The following FTCDNL1 variants were observed in gnomAD, a reference collection of about 807,000 sequenced individuals.
FTCDNL1 encodes formiminotransferase cyclodeaminase N-terminal like.
A neutral mutation model predicts 5.9 loss-of-function variants in FTCDNL1; 11 were observed. That is an observed-to-expected ratio of 1.87 (90% CI 1.18 to 3.10). The LOEUF is 3.10. Ranked by LOEUF, FTCDNL1 falls within the 30% of genes most tolerant of loss-of-function variation. The pLI is 0.00. For synonymous variants in FTCDNL1, 58 were observed against 24.8 expected, an observed-to-expected ratio of 2.34 and a Z score of -3.99; for missense variants, 115 against 65.5, an observed-to-expected ratio of 1.76 and a Z score of -2.61.
the FTCDNL1 span, among the ~76,000 whole-genome samples, chr2:199,696,715 T>G: frequency 1.3e-5 from 2 of 151,934 alleles, no homozygotes; most frequent in Non-Finnish European, 2.9e-5. Context: ...AATGAACTAG[T>G]GCAAAAACTC....
intron 3 of FTCDNL1, among the ~76,000 whole-genome samples, chr2:199,792,290 A>G (rs1252232464): frequency 6.6e-6 from 1 of 152,184 alleles, no homozygotes; most frequent in East Asian, 1.9e-4. Context: ...ACTAGATTTT[A>G]AAGTACATTG....
At chr2:199,684,391 C>T in the FTCDNL1 span, among the ~76,000 whole-genome samples, 2 of 152,186 alleles carry the variant, frequency 1.3e-5, no homozygotes, top group African/African-American at 4.8e-5. Flanking sequence ...AGAGTCATGG[C>T]ACTTAAATTC....
chr2:199,755,586 A>G (rs1698049398), downstream of FTCDNL1, among the ~76,000 whole-genome samples: 1 of 152,220 alleles, frequency 6.6e-6, no homozygotes, highest in Non-Finnish European at 1.5e-5. Context: ...AATGGTACAT[A>G]TTCCCTATAC....
the FTCDNL1 span, among the ~76,000 whole-genome samples, chr2:199,666,517 C>A: frequency 6.6e-6 from 1 of 152,198 alleles, no homozygotes; most frequent in Non-Finnish European, 1.5e-5. Context: ...AAAAGAACTT[C>A]ATATATTCAA....
the FTCDNL1 span, among the ~76,000 whole-genome samples, chr2:199,680,855 C>A: frequency 6.6e-6 from 1 of 152,160 alleles, no homozygotes; most frequent in African/African-American, 2.4e-5. Flanking sequence ...ACAATGTTCC[C>A]CCTTGCCGCC....
At chr2:199,699,918 A>G in the FTCDNL1 span, among the ~76,000 whole-genome samples, 1 of 152,186 alleles carries the variant, frequency 6.6e-6, no homozygotes, top group Non-Finnish European at 1.5e-5. Context: ...TGAGAGCCAC[A>G]TATGATAAAC....
chr2:199,803,575 A>G (rs1700577548), intron 3 of FTCDNL1, among the ~76,000 whole-genome samples: 1 of 152,130 alleles, frequency 6.6e-6, no homozygotes, highest in Admixed American at 6.5e-5. Flanking sequence ...AACGATCCTC[A>G]CTTCTCAGCC....
the FTCDNL1 span, among the ~76,000 whole-genome samples, chr2:199,671,811 C>T: frequency 2.6e-5 from 4 of 152,058 alleles, no homozygotes; most frequent in Admixed American, 1.3e-4. Flanking sequence ...GACCTGAGCA[C>T]CATATATATC....
At chr2:199,669,956 C>T in the FTCDNL1 span, among the ~76,000 whole-genome samples, 1 of 152,130 alleles carries the variant, frequency 6.6e-6, no homozygotes, top group Non-Finnish European at 1.5e-5. Context: ...CAAGTTGAAA[C>T]AATGAGTTTT....
At chr2:199,822,938 C>T (rs1374453653) in intron 3 of FTCDNL1, among the ~76,000 whole-genome samples, 1 of 152,182 alleles carries the variant, frequency 6.6e-6, no homozygotes. Flanking sequence ...GCAACATCTG[C>T]CTCCCAGGTT....
chr2:199,785,504 G>C (rs903927643), intron 3 of FTCDNL1: 3 of 151,858 alleles, frequency 2.0e-5, no homozygotes, highest in Non-Finnish European at 1.5e-5. Flanking sequence ...CCAAAGTTCT[G>C]GGATTACAAG....
chr2:199,677,754 G>A, the FTCDNL1 span, among the ~76,000 whole-genome samples: 2 of 152,180 alleles, frequency 1.3e-5, no homozygotes, highest in African/African-American at 2.4e-5. Context: ...TGTCAGAATC[G>A]TTAATGTGCT....
intron 3 of FTCDNL1, among the ~76,000 whole-genome samples, chr2:199,804,227 G>T (rs1193307121): frequency 6.6e-6 from 1 of 152,134 alleles, no homozygotes; most frequent in Non-Finnish European, 1.5e-5. Flanking sequence ...TGGAGATACA[G>T]GTACCTAAGA....
chr2:199,802,628 T>C (rs895067169), intron 3 of FTCDNL1, among the ~76,000 whole-genome samples: 8 of 152,038 alleles, frequency 5.3e-5, no homozygotes, highest in Non-Finnish European at 8.8e-5. Flanking sequence ...CTACTCTGGG[T>C]CCTATGGCTG....
intron 3 of FTCDNL1, among the ~76,000 whole-genome samples, chr2:199,789,827 T>C (rs1017046018): frequency 2.0e-5 from 3 of 151,996 alleles, no homozygotes; most frequent in Non-Finnish European, 4.4e-5. Flanking sequence ...TACTTAGAGA[T>C]AGAAAACAGG....
chr2:199,750,166 C>G, the FTCDNL1 span, among the ~76,000 whole-genome samples: 1 of 151,416 alleles, frequency 6.6e-6, no homozygotes, highest in Non-Finnish European at 1.5e-5. Context: ...CCAGCCTGGG[C>G]AACATGGCAA....
chr2:199,687,274 G>A, the FTCDNL1 span, among the ~76,000 whole-genome samples: 2 of 152,144 alleles, frequency 1.3e-5, no homozygotes, highest in East Asian at 3.8e-4. Context: ...AAAGTTCAAG[G>A]TCTTATTAAT....
At chr2:199,686,236 A>T in the FTCDNL1 span, among the ~76,000 whole-genome samples, 2 of 152,180 alleles carry the variant, frequency 1.3e-5, no homozygotes, top group South Asian at 2.1e-4. Context: ...ATGCACTATG[A>T]TTAAAATGAT....
the FTCDNL1 span, among the ~76,000 whole-genome samples, chr2:199,668,119 T>C: frequency 6.6e-6 from 1 of 152,182 alleles, no homozygotes; most frequent in Non-Finnish European, 1.5e-5. Flanking sequence ...TTGTTTTAAA[T>C]TACACCACAC....
Sources: allele counts gnomAD v4.1 joint callset (sites outside exome capture counted in the v4.1 genomes callset), GRCh38; gene constraint gnomAD v4.1.1; transcripts MANE v1.5; gene names NCBI Gene and HGNC (gene_info 2026-07-23, HGNC 2026-07-21).